Variants in PCDH19 observed in about 807,000 individuals in gnomAD.
PCDH19 encodes the protein protocadherin-19.
In PCDH19, 6 loss-of-function variants were observed where a neutral mutation model predicts 46.2. The ratio of observed to expected loss-of-function variants is 0.13; its 90% CI spans 0.07 to 0.26. The LOEUF (loss-of-function observed/expected upper bound fraction) is 0.26. Among genes scored for constraint, PCDH19 ranks in the 10% least tolerant of loss-of-function variants. The pLI is 1.00. For missense variants in PCDH19, 740 were observed against 972.3 expected (o/e 0.76, Z 3.18); for synonymous variants, 481 against 415.7 (o/e 1.16, Z -1.91).
At chrX:100,359,550 T>C (rs1926816355) in intron 3 of PCDH19, among the ~76,000 whole-genome samples, 1 of 110,898 alleles carries the variant, frequency 9.0e-6, no homozygotes, top group Non-Finnish European at 1.9e-5. Context: ...AAGCTATGAT[T>C]TGGTAAAGCT....
At chrX:100,300,355 G>C (rs892379405) in intron 5 of PCDH19, among the ~76,000 whole-genome samples, 2 of 111,989 alleles carry the variant, frequency 1.8e-5, no homozygotes, top group African/African-American at 6.5e-5. Flanking sequence ...TAGTGGCTGG[G>C]AATGGAGCTA....
At position 100,406,542 on chromosome X, in the gene PCDH19, C is replaced by T; in HGVS notation, c.2056G>A (p.Gly686Ser). ...NLSLIFIIAL[G>S]SIAGILFVTM... ...ACAAAGAGGATGCCCGCAATGGAGC[C>T]CAGGGCAATAATGAAAATCAAGGAC... The change falls in exon 1 of 6, where the codon GGC (glycine) becomes AGC (serine). Residue 686 changes from glycine (G) to serine (S), a missense_variant. Transcript: ENST00000373034. 10 of 1,208,704 alleles carry T rather than the reference C, an allele frequency of 8.3e-6. No individual in the cohort carries two copies. The South Asian group carries it at 1.2e-4, about 15-fold the overall frequency.
At chrX:100,336,128 C>T (rs1926079233) in intron 5 of PCDH19, among the ~76,000 whole-genome samples, 1 of 112,127 alleles carries the variant, frequency 8.9e-6, no homozygotes, top group African/African-American at 3.2e-5. Flanking sequence ...TTCAATTACT[C>T]TATGAACATC....
chrX:100,359,811 A>G (rs111371254), intron 3 of PCDH19, among the ~76,000 whole-genome samples: 2,735 of 63,068 alleles, frequency 0.043, 52 homozygotes, highest in South Asian at 0.11. Context: ...GTGTGTGTGT[A>G]TGTGTGTGTG....
chrX:100,356,784 C>T (rs12399062), intron 3 of PCDH19, among the ~76,000 whole-genome samples: 6 of 111,020 alleles, frequency 5.4e-5, no homozygotes, highest in Non-Finnish European at 9.4e-5. Context: ...CACACACACA[C>T]ACTCACACGC....
At chrX:100,305,855 T>G (rs753669429) in intron 5 of PCDH19, among the ~76,000 whole-genome samples, 3 of 111,981 alleles carry the variant, frequency 2.7e-5, no homozygotes, top group Admixed American at 1.9e-4. Flanking sequence ...ACTAGTCCAA[T>G]AGGAAAATAT....
At chrX:100,297,504 G>T (rs1242887942) in intron 5 of PCDH19, among the ~76,000 whole-genome samples, 1 of 111,615 alleles carries the variant, frequency 9.0e-6, no homozygotes, top group East Asian at 2.8e-4. Context: ...AATAAACTGA[G>T]AGCCCTTCTA....
intron 3 of PCDH19, among the ~76,000 whole-genome samples, chrX:100,395,795 A>T (rs775171938): frequency 8.8e-6 from 1 of 113,311 alleles, no homozygotes; most frequent in Non-Finnish European, 1.9e-5. Context: ...GGGTACACCC[A>T]CTAGAAGCTG....
chrX:100,330,891 G>T (rs893278701), intron 5 of PCDH19, among the ~76,000 whole-genome samples: 2 of 112,165 alleles, frequency 1.8e-5, no homozygotes, highest in African/African-American at 6.5e-5. Context: ...TGTCTAAACT[G>T]TCATGAAGGA....
intron 3 of PCDH19, among the ~76,000 whole-genome samples, chrX:100,367,961 G>C (rs966705368): frequency 9.0e-6 from 1 of 111,046 alleles, no homozygotes; most frequent in Admixed American, 9.6e-5. Flanking sequence ...TTTGGATTTT[G>C]CAAGTTACAT....
chrX:100,330,356 A>G (rs1925839129), intron 5 of PCDH19, among the ~76,000 whole-genome samples: 2 of 112,395 alleles, frequency 1.8e-5, no homozygotes, highest in Non-Finnish European at 3.8e-5. Context: ...GTTGTCAAAC[A>G]TTTATTATTA....
intron 4 of PCDH19, among the ~76,000 whole-genome samples, chrX:100,345,169 T>C (rs746654205): frequency 3.6e-5 from 4 of 111,681 alleles, no homozygotes; most frequent in East Asian, 2.8e-4. Context: ...CAGATACACA[T>C]AGATGCTCCA....
At chrX:100,378,408 T>C (rs1927450097) in intron 3 of PCDH19, among the ~76,000 whole-genome samples, 1 of 112,460 alleles carries the variant, frequency 8.9e-6, no homozygotes, top group Non-Finnish European at 1.9e-5. Context: ...AACCTGTTCG[T>C]CAATACGGTT....
intron 2 of PCDH19, among the ~76,000 whole-genome samples, 180 bp from the exon 3 acceptor site, chrX:100,403,031 A>G (rs1451479464): frequency 9.0e-6 from 1 of 111,460 alleles, no homozygotes; most frequent in Admixed American, 9.5e-5. Flanking sequence ...TGAGGGCCAT[A>G]AACTTTTCAT....
At chrX:100,403,453 C>T (rs1201206135) in intron 2 of PCDH19, 71 bp downstream of exon 2, 1 of 1,106,721 alleles carries the variant, frequency 9.0e-7, no homozygotes, top group Non-Finnish European at 1.2e-6. Flanking sequence ...TTTACTCACC[C>T]CCCGACCCCC....
At chrX:100,402,930 GA>G in intron 2 of PCDH19, 79 bp from the exon 3 acceptor site, 1 of 773,207 alleles carries the variant, frequency 1.3e-6, no homozygotes. Flanking sequence ...AAGCACCCCA[GA>G]GGGTTGCACC....
chrX:100,333,282 T>C (rs1045185639), intron 5 of PCDH19, among the ~76,000 whole-genome samples: 2 of 111,017 alleles, frequency 1.8e-5, no homozygotes, highest in African/African-American at 6.6e-5. Flanking sequence ...GATTTGTCTC[T>C]CATCTATTAA....
chrX:100,365,705 C>T (rs959386433), intron 3 of PCDH19, among the ~76,000 whole-genome samples: 2 of 111,342 alleles, frequency 1.8e-5, no homozygotes, highest in Non-Finnish European at 3.8e-5. Flanking sequence ...CTTGCACACG[C>T]GCACACACAA....
intron 5 of PCDH19, among the ~76,000 whole-genome samples, chrX:100,323,333 C>T (rs1447275155): frequency 1.8e-5 from 2 of 111,551 alleles, no homozygotes; most frequent in South Asian, 3.8e-4. Flanking sequence ...CCCTAAGCAA[C>T]ATCTCTTCCA....
Sources: allele counts gnomAD v4.1 joint callset (sites outside exome capture counted in the v4.1 genomes callset), GRCh38; gene constraint gnomAD v4.1.1; transcripts MANE v1.5; gene names NCBI Gene and HGNC (gene_info 2026-07-23, HGNC 2026-07-21).